TENM3: variants seen among roughly 807,000 people sequenced by gnomAD.
TENM3 encodes teneurin transmembrane protein 3.
TENM3 carries 63 observed loss-of-function variants against 255.1 expected under a neutral mutation model. The ratio of observed to expected loss-of-function variants is 0.25; its 90% CI spans 0.20 to 0.30. The LOEUF (loss-of-function observed/expected upper bound fraction) is 0.30, where lower values mean the gene tolerates loss of function less well. Among genes scored for constraint, TENM3 ranks in the 10% least tolerant of loss-of-function variants. TENM3 has a pLI of 1.00. For synonymous variants in TENM3, 1,306 were observed against 1,322.3 expected, an observed-to-expected ratio of 0.99 and a Z score of 0.27; for missense variants, 2,929 against 3,461.1, an observed-to-expected ratio of 0.85 and a Z score of 3.86.
chr4:181,499,490 T>C, the TENM3 span, among the ~76,000 whole-genome samples: 1 of 152,092 alleles, frequency 6.6e-6, no homozygotes, highest in African/African-American at 2.4e-5. Flanking sequence ...AAATGCAGTA[T>C]AGTGAGAATA....
At chr4:181,759,246 A>G in the TENM3 span, among the ~76,000 whole-genome samples, 2 of 152,110 alleles carry the variant, frequency 1.3e-5, no homozygotes, top group African/African-American at 4.8e-5. Flanking sequence ...TAGTTTATTA[A>G]AGGTGTGAGA....
chr4:182,608,263 TA>T (rs1387810186), intron 4 of TENM3, among the ~76,000 whole-genome samples: 7 of 152,278 alleles, frequency 4.6e-5, no homozygotes, highest in South Asian at 4.1e-4. Context: ...GATTGATTGA[TA>T]TTTTTTTGAG....
At chr4:181,664,100 A>G in the TENM3 span, among the ~76,000 whole-genome samples, 1 of 152,052 alleles carries the variant, frequency 6.6e-6, no homozygotes, top group East Asian at 1.9e-4. Context: ...TCTACCACAT[A>G]CTAGCTGAAT....
rs149847967 is a variant in TENM3 at position 182,348,531 on chromosome 4, A to G, written c.511+1602A>G. Among the ~76,000 whole-genome samples, 267 of 152,278 alleles carry G rather than the reference A, an allele frequency of 1.8e-3. 1 individual carries two copies. The highest frequency in any genetic ancestry group is 5.2e-3 in the African/African-American group (218 of 41,574). On this transcript the variant is annotated intron_variant, in intron 3 of 27. Transcript: ENST00000511685. ...ATCTTTGACGTTATAGAAGACTAGA[A>G]TGCAGCAGGATAATGCGATCAGTTC...
At chr4:182,403,724 G>A (rs1177854575) in intron 3 of TENM3, among the ~76,000 whole-genome samples, 1 of 152,088 alleles carries the variant, frequency 6.6e-6, no homozygotes, top group Non-Finnish European at 1.5e-5. Context: ...GGTGAAAATT[G>A]TTTTCTAGTT....
the TENM3 span, among the ~76,000 whole-genome samples, chr4:181,912,310 C>A: frequency 6.6e-6 from 1 of 152,342 alleles, no homozygotes; most frequent in Admixed American, 6.5e-5. Context: ...ATGCTGCCCT[C>A]ATGATGCTTA....
At chr4:181,722,378 T>G in the TENM3 span, among the ~76,000 whole-genome samples, 2 of 152,196 alleles carry the variant, frequency 1.3e-5, no homozygotes. Context: ...ATTGCCAGAG[T>G]ATATCCTGTG....
chr4:181,925,409 C>T, the TENM3 span, among the ~76,000 whole-genome samples: 2 of 152,142 alleles, frequency 1.3e-5, no homozygotes. Context: ...CACAGTGTTA[C>T]AATTTATAAG....
chr4:181,791,609 C>G, the TENM3 span, among the ~76,000 whole-genome samples: 1 of 152,204 alleles, frequency 6.6e-6, no homozygotes, highest in Middle Eastern at 3.4e-3. Flanking sequence ...TTCACCAGTC[C>G]AGCACATTTT....
the TENM3 span, among the ~76,000 whole-genome samples, chr4:181,485,028 A>T: frequency 1.3e-5 from 2 of 152,132 alleles, no homozygotes; most frequent in East Asian, 3.9e-4. Context: ...AGATTACCCC[A>T]AATAAAACCA....
the TENM3 span, among the ~76,000 whole-genome samples, chr4:181,947,581 C>G: frequency 1.3e-5 from 2 of 152,256 alleles, no homozygotes; most frequent in African/African-American, 4.8e-5. Context: ...TATTAAACGT[C>G]TCATTGTATA....
chr4:181,762,412 A>G, the TENM3 span, among the ~76,000 whole-genome samples: 1 of 152,142 alleles, frequency 6.6e-6, no homozygotes, highest in Non-Finnish European at 1.5e-5. Flanking sequence ...TCCATGCTCC[A>G]ATCTGTTTTG....
chr4:181,888,496 A>ATATATATGTATG, the TENM3 span, among the ~76,000 whole-genome samples: 7 of 24,712 alleles, frequency 2.8e-4, no homozygotes, highest in African/African-American at 6.1e-4. Context: ...AGAAATGTGT[A>ATATATATGTATG]TATATATATA....
chr4:181,732,895 A>T, the TENM3 span, among the ~76,000 whole-genome samples: 1 of 152,196 alleles, frequency 6.6e-6, no homozygotes, highest in African/African-American at 2.4e-5. Flanking sequence ...ATAGACGTTA[A>T]TTTATTTCCA....
At chr4:181,842,172 A>G in the TENM3 span, among the ~76,000 whole-genome samples, 1 of 152,218 alleles carries the variant, frequency 6.6e-6, no homozygotes. Context: ...TATCAAAATA[A>G]TCAAATAATA....
At chr4:181,641,578 A>G in the TENM3 span, among the ~76,000 whole-genome samples, 8 of 85,638 alleles carry the variant, frequency 9.3e-5, 1 homozygote, top group Non-Finnish European at 4.6e-5. Flanking sequence ...ATATATATAT[A>G]TATATATATA....
At chr4:181,955,480 A>C in the TENM3 span, among the ~76,000 whole-genome samples, 1 of 152,216 alleles carries the variant, frequency 6.6e-6, no homozygotes. Context: ...CAGCAAGTGC[A>C]AAGGCTTACA....
At chr4:182,347,501 G>A (rs1764904489) in intron 3 of TENM3, among the ~76,000 whole-genome samples, 1 of 152,168 alleles carries the variant, frequency 6.6e-6, no homozygotes, top group Admixed American at 6.5e-5. Context: ...AAGAGGGGGA[G>A]TGTGGCCTTT....
chr4:181,955,000 T>C, the TENM3 span, among the ~76,000 whole-genome samples: 1 of 152,204 alleles, frequency 6.6e-6, no homozygotes, highest in Non-Finnish European at 1.5e-5. Flanking sequence ...TTAGCACCTT[T>C]TCTGAAATTC....
Sources: gnomAD v4.1 joint callset for allele counts (sites outside exome capture counted in the v4.1 genomes callset) on GRCh38, gnomAD v4.1.1 for gene constraint, MANE v1.5 for transcripts, NCBI Gene and HGNC (gene_info 2026-07-23, HGNC 2026-07-21) for gene names.